The following DPP10 variants were observed in gnomAD, a reference collection of about 807,000 sequenced individuals.
DPP10 encodes inactive dipeptidyl peptidase 10.
DPP10 carries 33 observed loss-of-function variants against 120.9 expected under a neutral mutation model. The observed-to-expected ratio is 0.27, with a 90% confidence interval of 0.21 to 0.37. The LOEUF (loss-of-function observed/expected upper bound fraction) is 0.37. Ranked by LOEUF, DPP10 falls within the 10% of genes least tolerant of loss-of-function variation. The probability of loss-of-function intolerance (pLI) is 1.00; values close to 1 mark genes in which losing one functional copy is unlikely to be tolerated. For synonymous variants in DPP10, 337 were observed against 326.1 expected (o/e 1.03, Z -0.36); for missense variants, 816 against 942.8 (o/e 0.87, Z 1.76).
chr2:114,941,983 T>C (rs1156514818), intron 1 of DPP10, among the ~76,000 whole-genome samples: 2 of 151,820 alleles, frequency 1.3e-5, no homozygotes, highest in Admixed American at 6.6e-5. Context: ...TCAAAAAGTA[T>C]GATATGTTGG....
rs372690456 is a variant in DPP10 at position 115,290,045 on chromosome 2, A to T, written c.61-19194A>T. On this transcript the variant is annotated intron_variant, in intron 1 of 25. Transcript: ENST00000410059. ...TCTGCACAGCAAAAGAAATAATCAA[A>T]AGAGTAAACAGACAACCTACAGAAT... 3.0e-3 allele frequency among the ~76,000 whole-genome samples: 450 copies of T among 152,190 alleles called. 1 individual carries two copies. Among genetic ancestry groups the T allele is most frequent in the Non-Finnish European group, 5.2e-3 (352 of 67,956 alleles).
At chr2:115,747,873 A>G (rs888244367) in intron 10 of DPP10, among the ~76,000 whole-genome samples, 4 of 152,150 alleles carry the variant, frequency 2.6e-5, no homozygotes, top group East Asian at 3.9e-4. Flanking sequence ...GATTACAGGC[A>G]TGAGCCACTG....
At chr2:115,590,976 T>G (rs550781626) in intron 5 of DPP10, among the ~76,000 whole-genome samples, 371 of 152,324 alleles carry the variant, frequency 2.4e-3, no homozygotes, top group African/African-American at 8.2e-3. Context: ...CTTTTGAGAA[T>G]TGTCTGTTCA....
intron 1 of DPP10, among the ~76,000 whole-genome samples, chr2:114,568,496 C>T (rs958440370): frequency 6.6e-6 from 1 of 152,180 alleles, no homozygotes; most frequent in African/African-American, 2.4e-5. Context: ...TCTGTAGTTA[C>T]CACAACAATT....
At chr2:115,219,452 A>G (rs2057020589) in intron 1 of DPP10, among the ~76,000 whole-genome samples, 1 of 152,118 alleles carries the variant, frequency 6.6e-6, no homozygotes, top group South Asian at 2.1e-4. Flanking sequence ...AAACACACAT[A>G]TACAAATACA....
chr2:114,800,941 A>T (rs963269354), intron 1 of DPP10, among the ~76,000 whole-genome samples: 1 of 147,054 alleles, frequency 6.8e-6, no homozygotes, highest in African/African-American at 2.6e-5. Flanking sequence ...TGGGAATTAA[A>T]AAAAAAAAAA....
In DPP10 at chr2:114,919,729, C is replaced by A. The variant is rs576806302; in HGVS notation, c.61-389510C>A. ...ACTGGTCTTCAATAACTATTACAAT[C>A]AACTATTATTCTGATAGTTGACTGG... is the stretch of plus-strand genomic sequence containing the variant. On this transcript the variant is annotated intron_variant, in intron 1 of 25. Transcript: ENST00000410059. Among the ~76,000 whole-genome samples the A allele has an allele frequency of 2.2e-4, 33 of 152,284 alleles. 2 individuals carry two copies. The highest frequency in any genetic ancestry group is 7.5e-4 in the African/African-American group (31 of 41,576).
Position 115,772,481 on chromosome 2 carries a change from C to T in DPP10, c.1221+4077C>T, listed in dbSNP as rs562309736. On this transcript the variant is annotated intron_variant, in intron 13 of 25. Transcript: ENST00000410059. ...AATTTGTGAGTGTTTTCTCCACTTTCATATATTCCATTAAAGAAAATATTA... is the reference window on the plus strand; with the variant it reads ...AATTTGTGAGTGTTTTCTCCACTTTTATATATTCCATTAAAGAAAATATTA... 3.9e-5 allele frequency among the ~76,000 whole-genome samples: 6 copies of T among 152,240 alleles called. No homozygotes were observed. The South Asian group carries it at 1.2e-3, about 32-fold the overall frequency.
chr2:115,456,940 C>T (rs911860226), intron 3 of DPP10, among the ~76,000 whole-genome samples: 2 of 149,310 alleles, frequency 1.3e-5, no homozygotes, highest in Non-Finnish European at 3.0e-5. Context: ...GCACATTCTG[C>T]ACACGTACCC....
At chr2:115,779,730 G>A (rs1164669909) in intron 15 of DPP10, among the ~76,000 whole-genome samples, 2 of 151,918 alleles carry the variant, frequency 1.3e-5, no homozygotes, top group Non-Finnish European at 2.9e-5. Flanking sequence ...TGTACACTTA[G>A]AAATGCTTAA....
intron 3 of DPP10, among the ~76,000 whole-genome samples, chr2:115,485,121 AG>A (rs555021233): frequency 3.9e-5 from 6 of 151,994 alleles, no homozygotes; most frequent in African/African-American, 1.4e-4. Context: ...GTTTACAGTT[AG>A]GTAAGTTACA....
intron 3 of DPP10, among the ~76,000 whole-genome samples, chr2:115,433,959 T>C (rs2071241020): frequency 6.6e-6 from 1 of 152,028 alleles, no homozygotes; most frequent in South Asian, 2.1e-4. Flanking sequence ...CTAACAGTCA[T>C]TATCTATTTA....
chr2:114,443,457 A>G (rs924132755), intron 1 of DPP10, among the ~76,000 whole-genome samples: 1 of 152,178 alleles, frequency 6.6e-6, no homozygotes, highest in African/African-American at 2.4e-5. Context: ...CTTTTCTGAC[A>G]GCACATGGTT....
intron 5 of DPP10, among the ~76,000 whole-genome samples, chr2:115,662,421 A>AC (rs2149412869): frequency 7.4e-6 from 1 of 135,268 alleles, no homozygotes; most frequent in South Asian, 2.4e-4. Context: ...CTCTATTTTT[A>AC]TTTTTGTTTT....
chr2:114,925,057 A>G (rs1377399742), intron 1 of DPP10, among the ~76,000 whole-genome samples: 2 of 152,046 alleles, frequency 1.3e-5, no homozygotes, highest in African/African-American at 4.8e-5. Context: ...TAAAAATACA[A>G]AAAATTATCT....
intron 19 of DPP10, among the ~76,000 whole-genome samples, chr2:115,803,409 T>C (rs1685510459): frequency 6.6e-6 from 1 of 152,216 alleles, no homozygotes; most frequent in Non-Finnish European, 1.5e-5. Flanking sequence ...TGCCTTTTAA[T>C]TGGAGCATTT....
At chr2:115,446,905 A>G (rs2072649965) in intron 3 of DPP10, among the ~76,000 whole-genome samples, 1 of 152,156 alleles carries the variant, frequency 6.6e-6, no homozygotes, top group Non-Finnish European at 1.5e-5. Context: ...GATTTCCTTG[A>G]AATGCACGAG....
At chr2:115,628,655 T>C (rs2085572296) in intron 5 of DPP10, among the ~76,000 whole-genome samples, 1 of 152,108 alleles carries the variant, frequency 6.6e-6, no homozygotes, top group Non-Finnish European at 1.5e-5. Context: ...TTTTGGGCTA[T>C]ACCTTTAAAT....
chr2:114,663,489 C>G (rs535645521), intron 1 of DPP10, among the ~76,000 whole-genome samples: 1 of 150,398 alleles, frequency 6.6e-6, no homozygotes, highest in Non-Finnish European at 1.5e-5. Context: ...TATTCTAGCC[C>G]TGCCCCAACA....
Sources: allele counts gnomAD v4.1 joint callset (sites outside exome capture counted in the v4.1 genomes callset), GRCh38; gene constraint gnomAD v4.1.1; transcripts MANE v1.5; gene names NCBI Gene and HGNC (gene_info 2026-07-23, HGNC 2026-07-21).